TMEM114: variants seen among roughly 807,000 people sequenced by gnomAD.
The protein encoded by TMEM114 is transmembrane protein 114, also known as claudin-26.
Under a neutral mutation model 6.2 loss-of-function variants are expected in TMEM114, and 6 were observed. The observed-to-expected ratio is 0.97, with a 90% CI of 0.53 to 1.91. TMEM114 has a LOEUF of 1.91. Among genes scored for constraint, TMEM114 ranks in the 40% most tolerant of loss-of-function variants. The pLI, the probability that TMEM114 is intolerant of heterozygous loss-of-function variation, is 0.01. For missense variants in TMEM114, 218 were observed against 158.3 expected, an observed-to-expected ratio of 1.38 and a Z score of -2.02; for synonymous variants, 104 against 73.0, an observed-to-expected ratio of 1.42 and a Z score of -2.16.
intron 2 of TMEM114, among the ~76,000 whole-genome samples, chr16:8,551,383 T>A (rs377314717): frequency 6.6e-6 from 1 of 152,200 alleles, no homozygotes; most frequent in East Asian, 1.9e-4. Context: ...ACTGAGCAAG[T>A]GGCTTAGCCT....
At chr16:8,566,617 C>T (rs1901553847), downstream of TMEM114, among the ~76,000 whole-genome samples, 1 of 152,176 alleles carries the variant, frequency 6.6e-6, no homozygotes. Flanking sequence ...CACCTCCTTA[C>T]CACGGGCCAT....
intron 2 of TMEM114, among the ~76,000 whole-genome samples, chr16:8,551,056 C>T (rs546647639): frequency 2.0e-5 from 3 of 152,196 alleles, no homozygotes; most frequent in East Asian, 1.9e-4. Flanking sequence ...CCATCCTGTT[C>T]GCTCACTCTT....
intron 2 of TMEM114, among the ~76,000 whole-genome samples, chr16:8,539,488 C>G (rs1460432580): frequency 6.6e-6 from 1 of 152,182 alleles, no homozygotes; most frequent in Non-Finnish European, 1.5e-5. Context: ...GCCTCACATG[C>G]CTGGACAGAT....
intron 2 of TMEM114, among the ~76,000 whole-genome samples, chr16:8,559,361 G>A (rs1280039712): frequency 6.6e-6 from 1 of 152,140 alleles, no homozygotes; most frequent in Non-Finnish European, 1.5e-5. Context: ...ACCCAGTTCT[G>A]AGACTAGCTG....
At chr16:8,540,926 T>G (rs1032762116) in intron 2 of TMEM114, among the ~76,000 whole-genome samples, 1 of 152,096 alleles carries the variant, frequency 6.6e-6, no homozygotes, top group African/African-American at 2.4e-5. Context: ...GAACTCAGGT[T>G]AAAAGACTAA....
chr16:8,544,064 G>C (rs183524128), intron 2 of TMEM114, among the ~76,000 whole-genome samples: 1 of 152,108 alleles, frequency 6.6e-6, no homozygotes, highest in Non-Finnish European at 1.5e-5. Flanking sequence ...CATTAGCCTA[G>C]GTTTTCTTTT....
chr16:8,545,439 T>C (rs993546211), intron 2 of TMEM114, among the ~76,000 whole-genome samples: 2 of 152,064 alleles, frequency 1.3e-5, no homozygotes, highest in Non-Finnish European at 2.9e-5. Context: ...TCTCAGAAAA[T>C]AATCAACATC....
At chr16:8,564,670 GGAATGAGTGAATGAGTGAGT>G (rs1258983238), downstream of TMEM114, among the ~76,000 whole-genome samples, 6 of 74,148 alleles carry the variant, frequency 8.1e-5, 1 homozygote, top group Non-Finnish European at 1.2e-4. Context: ...AGGGAGGGAG[GGAATGAGTGAATGAGTGAGT>G]GAATGAGTGA....
intron 2 of TMEM114, among the ~76,000 whole-genome samples, chr16:8,554,051 G>C (rs530859442): frequency 6.6e-6 from 1 of 151,930 alleles, no homozygotes; most frequent in Non-Finnish European, 1.5e-5. Flanking sequence ...GTTAATTTTT[G>C]TGTTTTTTGT....
chr16:8,536,263 G>C (rs991672958), downstream of TMEM114, among the ~76,000 whole-genome samples: 1 of 151,308 alleles, frequency 6.6e-6, no homozygotes, highest in Admixed American at 6.6e-5. Flanking sequence ...AACACATCCT[G>C]AATCCCAACT....
rs1345917123 is a variant in TMEM114 at position 8,569,574 on chromosome 16, A to G, written c.*199T>C. ...TCGGGCTCCTCCAGGCCACACGGAC[A>G]CACACGGACATAAGCACACAGGTAC... On this transcript the variant is annotated 3_prime_UTR_variant, in exon 4 of 4. Transcript: ENST00000620492. The G allele has an allele frequency of 7.0e-7, 1 of 1,422,724 alleles. No individual in the cohort carries two copies. The highest frequency in any genetic ancestry group is 9.2e-7 in the Non-Finnish European group (1 of 1,091,912). The allele number at this position is 1,422,724 out of a possible 1,614,324, so 88.1% of individuals were successfully genotyped here.
At chr16:8,551,002 C>G (rs545274420) in intron 2 of TMEM114, among the ~76,000 whole-genome samples, 1 of 152,280 alleles carries the variant, frequency 6.6e-6, no homozygotes, top group East Asian at 1.9e-4. Flanking sequence ...TGGTTCTAAC[C>G]CTAAACGAGT....
At chr16:8,545,884 G>T (rs1411188341) in intron 2 of TMEM114, among the ~76,000 whole-genome samples, 2 of 152,160 alleles carry the variant, frequency 1.3e-5, no homozygotes, top group Admixed American at 1.3e-4. Context: ...GGAGGTTGAG[G>T]GAGAAGGATT....
chr16:8,528,350 C>T, the TMEM114 span, among the ~76,000 whole-genome samples: 376 of 152,290 alleles, frequency 2.5e-3, 4 homozygotes, highest in African/African-American at 8.5e-3. Context: ...TCCCATTCTG[C>T]TGCAGAAGAT....
chr16:8,561,587 G>C (rs892624220), intron 2 of TMEM114, among the ~76,000 whole-genome samples: 2 of 152,254 alleles, frequency 1.3e-5, no homozygotes, highest in African/African-American at 2.4e-5. Context: ...ACTGTTGAAT[G>C]AATGAGTCGA....
At position 8,558,639 on chromosome 16, in the gene TMEM114, A is replaced by G. The variant is rs753682865; in HGVS notation, n.213-20813T>C. The stretch of plus-strand genomic sequence containing the variant: ...ATGCTTGAACCTCCAACAGTCCCCT[A>G]TTTAGGCAAGCAACTACAACACCCA... On this transcript the variant is annotated intron_variant and non_coding_transcript_variant, in intron 2 of 2. Coordinates refer to the TMEM114 transcript ENST00000623677. Among the ~76,000 whole-genome samples the G allele has an allele frequency of 4.6e-5, 7 of 152,108 alleles. 1 individual carries two copies. The highest frequency in any genetic ancestry group is 4.1e-4 in the South Asian group (2 of 4,820).
intron 2 of TMEM114, among the ~76,000 whole-genome samples, chr16:8,575,644 C>A (rs762702564): frequency 6.6e-6 from 1 of 152,214 alleles, no homozygotes; most frequent in Non-Finnish European, 1.5e-5. Flanking sequence ...TACTTTATAA[C>A]CTTCAAGCCT....
chr16:8,532,526 T>C, the TMEM114 span, among the ~76,000 whole-genome samples: 1 of 152,164 alleles, frequency 6.6e-6, no homozygotes, highest in Non-Finnish European at 1.5e-5. Flanking sequence ...CCAAACACCT[T>C]ACTAAAATTA....
intron 2 of TMEM114, among the ~76,000 whole-genome samples, chr16:8,585,059 C>G (rs1385789293): frequency 2.0e-5 from 3 of 152,070 alleles, no homozygotes; most frequent in Non-Finnish European, 4.4e-5. Context: ...GCCTCACAAT[C>G]CTGGCTGAAG....
Sources: gnomAD v4.1 joint callset for allele counts (sites outside exome capture counted in the v4.1 genomes callset) on GRCh38, gnomAD v4.1.1 for gene constraint, MANE v1.5 for transcripts, NCBI Gene and HGNC (gene_info 2026-07-23, HGNC 2026-07-21) for gene names.